The following R3HDM1 variants were observed in gnomAD, a reference collection of about 807,000 sequenced individuals.
R3HDM1 encodes R3H domain containing 1, also known as R3H domain-containing protein 1.
In R3HDM1, 46 loss-of-function variants were observed where a neutral mutation model predicts 141.1. The observed-to-expected ratio is 0.33, with a 90% CI of 0.26 to 0.42. The LOEUF (loss-of-function observed/expected upper bound fraction) is 0.42. Ranked by LOEUF, R3HDM1 falls within the 10% of genes least tolerant of loss-of-function variation. R3HDM1 has a pLI of 1.00. For synonymous variants in R3HDM1, 435 were observed against 472.9 expected (o/e 0.92, Z 1.04); for missense variants, 1,184 against 1,368.3 (o/e 0.87, Z 2.12).
At chr2:135,688,176 T>C (rs1337239752) in intron 21 of R3HDM1, among the ~76,000 whole-genome samples, 2 of 152,222 alleles carry the variant, frequency 1.3e-5, no homozygotes, top group Admixed American at 6.5e-5. Flanking sequence ...TTCACACTTT[T>C]TGGGTTTTTG....
intron 4 of R3HDM1, 87 bp downstream of exon 4, chr2:135,616,280 G>C: frequency 8.1e-7 from 1 of 1,231,358 alleles, no homozygotes; most frequent in Non-Finnish European, 1.1e-6. Flanking sequence ...ACTACATTCA[G>C]TTTAGTTCTT....
chr2:135,589,556 A>AT (rs1201182942), intron 1 of R3HDM1, among the ~76,000 whole-genome samples: 1 of 152,014 alleles, frequency 6.6e-6, no homozygotes, highest in East Asian at 1.9e-4. Context: ...AATATAATTT[A>AT]TTTTTTCCAA....
intron 23 of R3HDM1, among the ~76,000 whole-genome samples, chr2:135,712,915 C>T (rs911381119): frequency 3.3e-5 from 5 of 150,878 alleles, no homozygotes; most frequent in African/African-American, 7.3e-5. Flanking sequence ...AGCAAGACTC[C>T]GTCTCAAAAA....
intron 16 of R3HDM1, among the ~76,000 whole-genome samples, chr2:135,646,490 CCT>C (rs2064440236): frequency 6.6e-6 from 1 of 151,544 alleles, no homozygotes; most frequent in South Asian, 2.1e-4. Context: ...GTTAGTTATA[CCT>C]CTTTTTCCCT....
intron 1 of R3HDM1, among the ~76,000 whole-genome samples, chr2:135,534,297 C>G (rs1695563930): frequency 1.3e-5 from 2 of 152,180 alleles, no homozygotes; most frequent in Non-Finnish European, 2.9e-5. Context: ...TATCCATATT[C>G]ATTGTGCTAC....
At position 135,724,352 on chromosome 2, in the gene R3HDM1, C is replaced by A; in HGVS notation, c.*60C>A. 7.7e-7 allele frequency: 1 copy of A among 1,299,784 alleles called. No individual in the cohort carries two copies. Among genetic ancestry groups the A allele is most frequent in the South Asian group, 1.4e-5 (1 of 71,132 alleles). The allele number at this position is 1,299,784 out of a possible 1,614,324, so 80.5% of individuals were successfully genotyped here. On this transcript the variant is annotated 3_prime_UTR_variant, in exon 27 of 27. Transcript: ENST00000683871. Reference sequence around the variant, plus strand: ...CCTGCCCTCTCCCATCTTTGATTGGCTTGGTATTTGGAGCTTCTGTTAACA... The same window carrying A: ...CCTGCCCTCTCCCATCTTTGATTGGATTGGTATTTGGAGCTTCTGTTAACA...
rs1376546989 is a variant in R3HDM1 at position 135,651,914 on chromosome 2, C to G, written c.1910C>G (p.Pro637Arg). The G allele has an allele frequency of 6.2e-7, 1 of 1,613,856 alleles. No individual in the cohort carries two copies. Among genetic ancestry groups the G allele is most frequent in the African/African-American group, 1.3e-5 (1 of 74,910 alleles). Residue 637 changes from proline to arginine, a missense_variant, in exon 18 of 27, where the codon CCT (proline) becomes CGT (arginine). By Grantham distance (103) the Pro-to-Arg change is moderately radical. Coordinates refer to ENST00000683871, the MANE Select transcript of R3HDM1 (RefSeq NM_001378107.1). ...HPPPPPPPPP[P>R]PPPLPPGQPV... ...CCTCCACCGCCACCACCACCACCTC[C>G]TCCTCCTCCCCTACCACCTGGGCAG...
At chr2:135,634,919 T>C (rs1428970545) in intron 9 of R3HDM1, among the ~76,000 whole-genome samples, 1 of 152,160 alleles carries the variant, frequency 6.6e-6, no homozygotes, top group African/African-American at 2.4e-5. Flanking sequence ...TTGTTGAAGC[T>C]GAGAATGTAT....
At chr2:135,662,945 ATTAAC>A (rs1483756592) in intron 19 of R3HDM1, among the ~76,000 whole-genome samples, 2 of 152,174 alleles carry the variant, frequency 1.3e-5, no homozygotes, top group African/African-American at 2.4e-5. Flanking sequence ...CGTGTGACTA[ATTAAC>A]TTAATTCATT....
intron 1 of R3HDM1, among the ~76,000 whole-genome samples, chr2:135,569,744 G>A (rs1271178668): frequency 1.6e-5 from 2 of 122,986 alleles, no homozygotes; most frequent in South Asian, 4.9e-4. Flanking sequence ...TGTTTTTTTT[G>A]GAGAGGGAGT....
At chr2:135,563,455 A>G (rs1702167020) in intron 1 of R3HDM1, among the ~76,000 whole-genome samples, 1 of 152,192 alleles carries the variant, frequency 6.6e-6, no homozygotes, top group Non-Finnish European at 1.5e-5. Context: ...TTTGGTTAGC[A>G]TATGTCTTCC....
chr2:135,601,219 G>A (rs970881110), intron 1 of R3HDM1, among the ~76,000 whole-genome samples: 1 of 152,144 alleles, frequency 6.6e-6, no homozygotes, highest in Non-Finnish European at 1.5e-5. Flanking sequence ...GTAGTGGCTG[G>A]AGAATCTTGG....
chr2:135,622,924 A>C (rs1480850966), intron 7 of R3HDM1, 192 bp downstream of exon 7: 2 of 984,202 alleles, frequency 2.0e-6, no homozygotes, highest in South Asian at 9.4e-5. Context: ...TTTTTGCATT[A>C]TGCATGTCAC....
At chr2:135,642,994 A>G (rs1407634839) in intron 15 of R3HDM1, among the ~76,000 whole-genome samples, 1 of 152,070 alleles carries the variant, frequency 6.6e-6, no homozygotes, top group Non-Finnish European at 1.5e-5. Context: ...ACTTTTTCCT[A>G]TTATTTTTCA....
Position 135,657,555 on chromosome 2 carries a change from C to T in R3HDM1, c.2029-3715C>T, listed in dbSNP as rs540620949. On this transcript the variant is annotated intron_variant, in intron 18 of 26. Coordinates refer to ENST00000683871, the MANE Select transcript of R3HDM1 (RefSeq NM_001378107.1). ...TAATGCTTCAAAGACAGGAGATCTA[C>T]GGTAAACTTGAGTGATTCTTGGCTA... 9.2e-5 allele frequency among the ~76,000 whole-genome samples: 14 copies of T among 152,138 alleles called. No individual in the cohort carries two copies. The East Asian group carries it at 2.1e-3, about 23-fold the overall frequency.
rs940786931 is a variant in R3HDM1 at position 135,677,788 on chromosome 2, G to A, written c.2307+2302G>A. On this transcript the variant is annotated intron_variant, in intron 20 of 26. Coordinates refer to ENST00000683871, the MANE Select transcript of R3HDM1 (RefSeq NM_001378107.1). ...ACATTTGATAAACAAGCTAGGTAGTGATAAACTGTTATCTAAAAAATAAGC... is the reference window on the plus strand; with the variant it reads ...ACATTTGATAAACAAGCTAGGTAGTAATAAACTGTTATCTAAAAAATAAGC... Among the ~76,000 whole-genome samples, 8 of 152,118 alleles carry A rather than the reference G, an allele frequency of 5.3e-5. No individual in the cohort carries two copies. The South Asian group carries it at 1.7e-3, about 32-fold the overall frequency.
rs1340923860 is a variant in R3HDM1 at position 135,621,599 on chromosome 2, T to C, written c.409T>C (p.Leu137=). 2 of 1,586,292 alleles carry C rather than the reference T, an allele frequency of 1.3e-6. No individual in the cohort carries two copies. The highest frequency in any genetic ancestry group is 1.7e-6 in the Non-Finnish European group (2 of 1,168,288). Residue 137 remains leucine, a synonymous_variant, in exon 6 of 27, where the codon TTA becomes CTA. Transcript: ENST00000683871. ...CAGTGATAAGTTGCCCAGAAAAATGTTATCAAGAGGTTTGCAGTTCTTTTG... is the reference window on the plus strand; with the variant it reads ...CAGTGATAAGTTGCCCAGAAAAATGCTATCAAGAGGTTTGCAGTTCTTTTG... ...KASDKLPRKM[L]SRDSSQEYTD...
chr2:135,658,582 A>G (rs928630891), intron 18 of R3HDM1, among the ~76,000 whole-genome samples: 2 of 152,160 alleles, frequency 1.3e-5, no homozygotes, highest in South Asian at 2.1e-4. Flanking sequence ...ACATTTTACT[A>G]CTGTAGACTT....
intron 21 of R3HDM1, among the ~76,000 whole-genome samples, chr2:135,704,180 A>T (rs1489885217): frequency 6.6e-6 from 1 of 152,156 alleles, no homozygotes; most frequent in Non-Finnish European, 1.5e-5. Context: ...GGGTTTCACC[A>T]TGCTGACCAG....
Sources: allele counts gnomAD v4.1 joint callset (sites outside exome capture counted in the v4.1 genomes callset), GRCh38; gene constraint gnomAD v4.1.1; transcripts MANE v1.5; gene names NCBI Gene and HGNC (gene_info 2026-07-23, HGNC 2026-07-21).